CARD14: variants seen among roughly 807,000 people sequenced by gnomAD.
CARD14 encodes caspase recruitment domain family member 14, also known as caspase recruitment domain-containing protein 14.
A neutral mutation model predicts 111.5 loss-of-function variants in CARD14; 107 were observed. That is an observed-to-expected ratio of 0.96 (90% CI 0.82 to 1.13). The LOEUF (loss-of-function observed/expected upper bound fraction) is 1.13. Among genes scored for constraint, CARD14 ranks in the 50% most tolerant of loss-of-function variants. CARD14 has a pLI of 0.00. For missense variants in CARD14, 1,322 were observed against 1,362.3 expected (o/e 0.97, Z 0.47); for synonymous variants, 617 against 579.6 (o/e 1.06, Z -0.93).
Position 80,182,526 on chromosome 17 carries a change from C to T in CARD14, c.212-127C>T. On this transcript the variant is annotated intron_variant, in intron 5 of 23. Coordinates refer to ENST00000648509, the MANE Select transcript of CARD14 (RefSeq NM_001366385.1). This position sits in a 1 kb window ranked among gnomAD's most constrained non-coding sequence, Gnocchi z 4.7. ...AGCAGAACCCAGAAAACCGCTTTCACCTCCCGATTCTTACATGTGCGGGGG... is the reference window on the plus strand; with the variant it reads ...AGCAGAACCCAGAAAACCGCTTTCATCTCCCGATTCTTACATGTGCGGGGG... The T allele has an allele frequency of 8.7e-7, 1 of 1,147,194 alleles. No homozygotes were observed. The highest frequency in any genetic ancestry group is 1.2e-6 in the Non-Finnish European group (1 of 819,296). The allele number at this position is 1,147,194 out of a possible 1,614,324, so 71.1% of individuals were successfully genotyped here.
rs961291968 is a variant in CARD14 at position 80,184,025 on chromosome 17, G to A, written c.462G>A (p.Gln154=). The change falls in exon 7 of 24, where the codon CAG becomes CAA. Residue 154 remains glutamine, a synonymous_variant. Transcript: ENST00000648509. ...GQKEVLLRRC[Q]QLQEHLGLAE... The stretch of plus-strand genomic sequence containing the variant: ...AGGAGGTGCTGCTGCGGCGGTGCCA[G>A]CAGCTGCAGGAGCACCTGGGCCTGG... 9 of 1,585,912 alleles carry A rather than the reference G, an allele frequency of 5.7e-6. No individual in the cohort carries two copies. The Admixed American group carries it at 1.4e-4, about 25-fold the overall frequency.
Position 80,183,832 on chromosome 17 carries a change from C to A in CARD14, c.350-81C>A, listed in dbSNP as rs111708754. ...CCTGCCCACATGCTCACCTGCCCAC[C>A]TGCTCACCTGCTCACCTACCCACCT... On this transcript the variant is annotated intron_variant, in intron 6 of 23. Transcript: ENST00000648509. 64 of 1,191,184 alleles carry A rather than the reference C, an allele frequency of 5.4e-5. 1 individual carries two copies. Among genetic ancestry groups the A allele is most frequent in the Middle Eastern group, 4.1e-4 (2 of 4,932 alleles). 73.8% of individuals were successfully genotyped at this position (1,191,184 alleles called of 1,614,324 possible).
intron 2 of CARD14, among the ~76,000 whole-genome samples, chr17:80,174,792 C>T (rs1018131306): frequency 1.3e-5 from 2 of 152,068 alleles, no homozygotes; most frequent in Non-Finnish European, 2.9e-5. Flanking sequence ...AAGCTGGAGG[C>T]AGCTCTGGGG....
Position 80,203,595 on chromosome 17 carries a change from C to T in CARD14, c.2220-227C>T. 1 of 481,298 alleles carries T rather than the reference C, an allele frequency of 2.1e-6. No homozygotes were observed. 29.8% of individuals were successfully genotyped at this position (481,298 alleles called of 1,614,324 possible). On this transcript the variant is annotated intron_variant, in intron 18 of 23. Coordinates refer to ENST00000648509, the MANE Select transcript of CARD14 (RefSeq NM_001366385.1). This position sits in a 1 kb window ranked among gnomAD's most constrained non-coding sequence, Gnocchi z 4.6. ...TCCCGCCCCAGGACAAGTAAATCAG[C>T]ATCTCCAGGGGTGGGCCGAGGCCCT...
intron 4 of CARD14, among the ~76,000 whole-genome samples, chr17:80,179,884 A>T (rs1248249160): frequency 2.0e-5 from 3 of 152,160 alleles, no homozygotes; most frequent in Non-Finnish European, 2.9e-5. Context: ...GAGGGAGGGA[A>T]GAGGGACTGA....
Position 80,176,773 on chromosome 17 carries a change from G to A in CARD14, c.-366-1735G>A, listed in dbSNP as rs180685713. Among the ~76,000 whole-genome samples, 813 of 152,292 alleles carry A rather than the reference G, an allele frequency of 5.3e-3. 3 individuals carry two copies. The highest frequency in any genetic ancestry group is 0.018 in the African/African-American group (728 of 41,542). Reference sequence around the variant, plus strand: ...TCATTTTGCCCTGAGCTCCACAGACGATATAGCTGGTCCTGAAGTGGGGCA... The same window carrying A: ...TCATTTTGCCCTGAGCTCCACAGACAATATAGCTGGTCCTGAAGTGGGGCA... On this transcript the variant is annotated intron_variant, in intron 2 of 23. Transcript: ENST00000648509.
Position 80,195,735 on chromosome 17 carries a change from T to C in CARD14, c.1594+83T>C. 1 of 1,177,198 alleles carries C rather than the reference T, an allele frequency of 8.5e-7. No individual in the cohort carries two copies. The highest frequency in any genetic ancestry group is 1.2e-6 in the Non-Finnish European group (1 of 822,824). 72.9% of individuals were successfully genotyped at this position (1,177,198 alleles called of 1,614,324 possible). On this transcript the variant is annotated intron_variant, in intron 14 of 23. Transcript: ENST00000648509. This position sits in a 1 kb window ranked among gnomAD's most constrained non-coding sequence, Gnocchi z 4.7. ...GAGCTGATGAGAAAGCCGGGGCCTC[T>C]CTCCAGGGAAAGGGCAGATAGAAGC... is the stretch of plus-strand genomic sequence containing the variant.
intron 2 of CARD14, among the ~76,000 whole-genome samples, chr17:80,175,679 C>T (rs896500206): frequency 1.3e-5 from 2 of 152,210 alleles, no homozygotes; most frequent in African/African-American, 4.8e-5. Context: ...AGGCAGAGAA[C>T]AGGAGCTGGC....
Position 80,182,297 on chromosome 17 carries a change from T to C in CARD14, c.212-356T>C, listed in dbSNP as rs539424897. 4.1e-4 allele frequency among the ~76,000 whole-genome samples: 63 copies of C among 152,294 alleles called. No individual in the cohort carries two copies. The highest frequency in any genetic ancestry group is 1.5e-3 in the African/African-American group (62 of 41,564). ...AGCTGACAGCACCGTGGTGGGACCC[T>C]GCGTCTGCATCACCCACCAGCTTGC... is the stretch of plus-strand genomic sequence containing the variant. On this transcript the variant is annotated intron_variant, in intron 5 of 23. Coordinates refer to ENST00000648509, the MANE Select transcript of CARD14 (RefSeq NM_001366385.1). This position sits in a 1 kb window ranked among gnomAD's most constrained non-coding sequence, Gnocchi z 4.7.
chr17:80,205,750 G>A (rs1339654704), intron 22 of CARD14, 98 bp downstream of exon 22: 1 of 1,272,544 alleles, frequency 7.9e-7, no homozygotes. Context: ...ACCGACCTGA[G>A]ACCTGGGTGA....
intron 18 of CARD14, chr17:80,202,994 A>G (rs779777424): frequency 3.2e-5 from 5 of 154,504 alleles, no homozygotes; most frequent in Non-Finnish European, 7.2e-5. Flanking sequence ...TAGGCCGAGC[A>G]TGGTGGCTCA....
rs2041026658 is a variant in CARD14, at chr17:80,202,323, A to C, written c.2122A>C (p.Thr708Pro). Reference sequence around the variant, plus strand: ...CAACGAGGTCCTGCACGTCACCGACACCATGTTCCAGGGCTGCGGCTGCTG... The same window carrying C: ...CAACGAGGTCCTGCACGTCACCGACCCCATGTTCCAGGGCTGCGGCTGCTG... ...HCNEVLHVTD[T>P]MFQGCGCWHA... is the part of the protein sequence containing the mutation. The change falls in exon 18 of 24, where the codon ACC becomes CCC. Residue 708 changes from threonine (T) to proline (P), a missense_variant. Transcript: ENST00000648509. 1.2e-6 allele frequency: 2 copies of C among 1,613,680 alleles called. No homozygotes were observed.
At chr17:80,180,057 T>C (rs2040120927) in intron 4 of CARD14, among the ~76,000 whole-genome samples, 1 of 152,136 alleles carries the variant, frequency 6.6e-6, no homozygotes, top group Non-Finnish European at 1.5e-5. Context: ...CATTTTAAAA[T>C]TATTTAGATG....
At chr17:80,192,364 C>T (rs1050899433) in intron 11 of CARD14, 139 bp from the exon 12 acceptor site, 1 of 651,254 alleles carries the variant, frequency 1.5e-6, no homozygotes, top group Non-Finnish European at 2.8e-6. Context: ...GACAGGGACA[C>T]AATTGTTTTC....
intron 7 of CARD14, among the ~76,000 whole-genome samples, chr17:80,185,621 G>T (rs948177253): frequency 3.9e-5 from 6 of 152,152 alleles, no homozygotes; most frequent in Non-Finnish European, 4.4e-5. Flanking sequence ...CAATCCGCCT[G>T]TGTTCTGGTT....
chr17:80,175,998 C>A, intron 2 of CARD14, among the ~76,000 whole-genome samples: 1 of 76,866 alleles, frequency 1.3e-5, no homozygotes. Context: ...TTTTTAAAAA[C>A]GGGATCGTGC....
At chr17:80,174,703 G>A (rs1207351090) in intron 2 of CARD14, among the ~76,000 whole-genome samples, 2 of 152,110 alleles carry the variant, frequency 1.3e-5, no homozygotes, top group African/African-American at 2.4e-5. Flanking sequence ...GTTGCCCTGC[G>A]CTGAGAAGGA....
At position 80,195,178 on chromosome 17, in the gene CARD14, C is replaced by A; in HGVS notation, c.1357-13C>A. The A allele has an allele frequency of 6.3e-7, 1 of 1,590,488 alleles. No individual in the cohort carries two copies. Among genetic ancestry groups the A allele is most frequent in the Non-Finnish European group, 8.6e-7 (1 of 1,164,076 alleles). On this transcript the variant is annotated splice_polypyrimidine_tract_variant and intron_variant, in intron 12 of 23. Transcript: ENST00000648509. The surrounding 1 kb of genome is among the most constrained non-coding windows in gnomAD (Gnocchi z 4.7). ...CGTGCGTGCCCCACTGACTTCTGCC[C>A]TCCCTCCTCCAGTCTCAGCTCTTGT...
At chr17:80,191,024 T>G in intron 10 of CARD14, 125 bp downstream of exon 10, 1 of 1,335,236 alleles carries the variant, frequency 7.5e-7, no homozygotes, top group Non-Finnish European at 1.0e-6. Flanking sequence ...CAGGGTCTCT[T>G]TCCTCGGTCC....
Sources: allele counts gnomAD v4.1 joint callset (sites outside exome capture counted in the v4.1 genomes callset), GRCh38; gene constraint gnomAD v4.1.1; non-coding constraint Gnocchi (gnomAD v3.1); transcripts MANE v1.5; gene names NCBI Gene and HGNC (gene_info 2026-07-23, HGNC 2026-07-21).